SH3RF3: variants seen among roughly 807,000 people sequenced by gnomAD.
SH3RF3 encodes the protein E3 ubiquitin-protein ligase SH3RF3.
A neutral mutation model predicts 66.3 loss-of-function variants in SH3RF3; 29 were observed. That is an observed-to-expected ratio of 0.44 (90% CI 0.33 to 0.60). The LOEUF (loss-of-function observed/expected upper bound fraction) is 0.60, where lower values mean the gene tolerates loss of function less well. Ranked by LOEUF, SH3RF3 falls within the 20% of genes least tolerant of loss-of-function variation. The pLI is 0.04. For missense variants in SH3RF3, 1,194 were observed against 1,190.9 expected, an observed-to-expected ratio of 1.00 and a Z score of -0.04; for synonymous variants, 583 against 532.0, an observed-to-expected ratio of 1.10 and a Z score of -1.32.
At chr2:109,366,815 T>G (rs1397013927) in intron 2 of SH3RF3, among the ~76,000 whole-genome samples, 1 of 152,234 alleles carries the variant, frequency 6.6e-6, no homozygotes, top group East Asian at 1.9e-4. Flanking sequence ...ATTGTGCCAC[T>G]GCACTCCAGC....
At chr2:109,237,338 T>A (rs986131974) in intron 1 of SH3RF3, among the ~76,000 whole-genome samples, 33 of 152,058 alleles carry the variant, frequency 2.2e-4, no homozygotes, top group Admixed American at 2.6e-4. Flanking sequence ...ATCAAAGAGG[T>A]ACACATTGAA....
chr2:109,337,067 C>T (rs1198465989), intron 1 of SH3RF3, among the ~76,000 whole-genome samples: 3 of 152,202 alleles, frequency 2.0e-5, no homozygotes, highest in South Asian at 2.1e-4. Context: ...AATAGCAAAC[C>T]GTATTTAGTA....
chr2:109,142,730 G>A lies in SH3RF3; in HGVS notation c.573+12617G>A, dbSNP rs371617765. Among the ~76,000 whole-genome samples, 7 of 152,304 alleles carry A rather than the reference G, an allele frequency of 4.6e-5. No homozygotes were observed. In the East Asian group the frequency reaches 7.7e-4, roughly 17 times the overall value. On this transcript the variant is annotated intron_variant, in intron 1 of 9. Transcript: ENST00000309415. The stretch of plus-strand genomic sequence containing the variant: ...TCGGGCCTGGGTTTATTTTCTGATC[G>A]TTGGTGTCCTCTGGCTTCACCTGCC...
intron 3 of SH3RF3, among the ~76,000 whole-genome samples, chr2:109,397,094 G>A (rs1480115515): frequency 1.3e-5 from 2 of 152,134 alleles, no homozygotes; most frequent in Non-Finnish European, 2.9e-5. Context: ...CAGTTGTGCT[G>A]CTGCAGAGAC....
At chr2:109,426,980 T>TATA (rs1559077543) in intron 5 of SH3RF3, among the ~76,000 whole-genome samples, 31 of 41,752 alleles carry the variant, frequency 7.4e-4, no homozygotes, top group African/African-American at 2.5e-3. Context: ...ATATATATAT[T>TATA]TTTTTTTGAG....
chr2:109,336,630 G>A (rs541154255), intron 1 of SH3RF3, among the ~76,000 whole-genome samples: 6 of 152,338 alleles, frequency 3.9e-5, no homozygotes, highest in African/African-American at 1.4e-4. Context: ...CAGCAAACCA[G>A]GAGAGCATTT....
chr2:109,368,509 G>T (rs1683194096), intron 2 of SH3RF3, among the ~76,000 whole-genome samples: 1 of 151,880 alleles, frequency 6.6e-6, no homozygotes. Context: ...GAAAGCCAAT[G>T]ATTTTTATGT....
chr2:109,199,329 A>AATAAAATAAATAAAATAAAATAAAAT, intron 1 of SH3RF3, among the ~76,000 whole-genome samples: 9 of 1,074 alleles, frequency 8.4e-3, no homozygotes, highest in Admixed American at 0.033. Context: ...CTCAAAAAGT[A>AATAAAATAAATAAAATAAAATAAAAT]AAATGGAATG....
At chr2:109,197,661 T>C (rs1558952582) in intron 1 of SH3RF3, among the ~76,000 whole-genome samples, 1 of 152,214 alleles carries the variant, frequency 6.6e-6, no homozygotes, top group African/African-American at 2.4e-5. Flanking sequence ...ATTTGTGTTT[T>C]GTGAGATGTG....
intron 1 of SH3RF3, among the ~76,000 whole-genome samples, chr2:109,135,270 A>G (rs1054026638): frequency 8.5e-5 from 13 of 152,116 alleles, no homozygotes; most frequent in Admixed American, 4.6e-4. Flanking sequence ...CACACACAGG[A>G]CTGCCTTTTC....
chr2:109,304,375 A>G (rs950213941), intron 1 of SH3RF3, among the ~76,000 whole-genome samples: 1 of 152,140 alleles, frequency 6.6e-6, no homozygotes, highest in Non-Finnish European at 1.5e-5. Flanking sequence ...TTCGTTTAAC[A>G]TAATGTCCTC....
chr2:109,323,987 C>G (rs1279897280), intron 1 of SH3RF3, among the ~76,000 whole-genome samples: 1 of 152,200 alleles, frequency 6.6e-6, no homozygotes, highest in African/African-American at 2.4e-5. Flanking sequence ...CCCCCAGCCC[C>G]TGGAAAACAC....
chr2:109,450,725 C>T (rs941741758), intron 8 of SH3RF3, among the ~76,000 whole-genome samples: 1 of 152,150 alleles, frequency 6.6e-6, no homozygotes, highest in African/African-American at 2.4e-5. Context: ...CTCCAGGGCT[C>T]AGGGCCCATG....
intron 1 of SH3RF3, among the ~76,000 whole-genome samples, chr2:109,189,198 C>G (rs1158800538): frequency 6.6e-6 from 1 of 151,802 alleles, no homozygotes; most frequent in Admixed American, 6.6e-5. Flanking sequence ...GCTTCTGATA[C>G]CCCCGAGATA....
At chr2:109,372,337 G>A (rs992952276) in intron 3 of SH3RF3, among the ~76,000 whole-genome samples, 4 of 152,224 alleles carry the variant, frequency 2.6e-5, no homozygotes, top group Non-Finnish European at 4.4e-5. Context: ...CTGGGGCTGT[G>A]TGTGTATGTA....
chr2:109,368,391 T>A (rs1683191366), intron 2 of SH3RF3, among the ~76,000 whole-genome samples: 1 of 152,200 alleles, frequency 6.6e-6, no homozygotes, highest in African/African-American at 2.4e-5. Flanking sequence ...AGTTTAATCC[T>A]TATGGAATGA....
chr2:109,398,016 G>C (rs958425665), intron 3 of SH3RF3, among the ~76,000 whole-genome samples: 1 of 152,204 alleles, frequency 6.6e-6, no homozygotes, highest in African/African-American at 2.4e-5. Context: ...GCCAGCTTCT[G>C]GGGCTTGACA....
In SH3RF3 at chr2:109,413,068, G is replaced by A. The variant is rs183044049; in HGVS notation, c.1300-6471G>A. ...TTCGTATCATAAACAGTGCTGCTGC[G>A]AAATCCTTACCTGTACCTCCTTTCT... On this transcript the variant is annotated intron_variant, in intron 4 of 9. Transcript: ENST00000309415. Among the ~76,000 whole-genome samples the A allele has an allele frequency of 1.1e-3, 163 of 152,266 alleles. 3 individuals are homozygous for A. Among genetic ancestry groups the A allele is most frequent in the Admixed American group, 0.01 (158 of 15,292 alleles).
intron 1 of SH3RF3, among the ~76,000 whole-genome samples, chr2:109,137,193 G>T (rs898477180): frequency 7.2e-5 from 11 of 152,222 alleles, no homozygotes; most frequent in African/African-American, 2.7e-4. Context: ...AGTGGTATTG[G>T]TGTGATTTGG....
Sources: allele counts gnomAD v4.1 joint callset (sites outside exome capture counted in the v4.1 genomes callset), GRCh38; gene constraint gnomAD v4.1.1; transcripts MANE v1.5; gene names NCBI Gene and HGNC (gene_info 2026-07-23, HGNC 2026-07-21).